PLCE1: variants seen among roughly 807,000 people sequenced by gnomAD.
PLCE1 encodes 1-phosphatidylinositol 4,5-bisphosphate phosphodiesterase epsilon-1.
PLCE1 carries 119 observed loss-of-function variants against 242.8 expected under a neutral mutation model. The observed-to-expected ratio is 0.49, with a 90% CI of 0.42 to 0.57. PLCE1 has a LOEUF of 0.57. PLCE1 is among the 20% of genes least tolerant of loss of function. PLCE1 has a pLI of 0.00. For synonymous variants in PLCE1, 945 were observed against 1,017.4 expected (o/e 0.93, Z 1.35); for missense variants, 2,441 against 2,788.8 (o/e 0.88, Z 2.81).
intron 4 of PLCE1, among the ~76,000 whole-genome samples, chr10:94,205,982 C>T (rs1270842207): frequency 6.6e-6 from 1 of 152,214 alleles, no homozygotes; most frequent in Non-Finnish European, 1.5e-5. Context: ...ACAAATAAAA[C>T]TCCCTACCCA....
At chr10:94,040,420 G>GGC (rs1196417934) in intron 2 of PLCE1, among the ~76,000 whole-genome samples, 1 of 151,434 alleles carries the variant, frequency 6.6e-6, no homozygotes, top group East Asian at 1.9e-4. Flanking sequence ...CTGGGAATGA[G>GGC]ATTGTCAGTC....
chr10:94,023,046 T>C (rs962610281), intron 1 of PLCE1, among the ~76,000 whole-genome samples: 1 of 152,118 alleles, frequency 6.6e-6, no homozygotes, highest in Non-Finnish European at 1.5e-5. Flanking sequence ...TACAAAATAA[T>C]GTGCCATGAC....
intron 2 of PLCE1, among the ~76,000 whole-genome samples, chr10:94,059,816 A>G (rs575343537): frequency 2.0e-5 from 3 of 152,290 alleles, no homozygotes; most frequent in Admixed American, 1.3e-4. Context: ...TTCTAGCCCC[A>G]TTCTATTTCT....
chr10:94,025,087 A>T (rs573993378), intron 1 of PLCE1, among the ~76,000 whole-genome samples: 47 of 151,804 alleles, frequency 3.1e-4, no homozygotes, highest in African/African-American at 1.1e-3. Context: ...CATGACATTC[A>T]TTCTCATGTT....
At chr10:94,246,671 C>T (rs1303937985) in intron 8 of PLCE1, 50 bp downstream of exon 8, 7 of 1,531,636 alleles carry the variant, frequency 4.6e-6, no homozygotes, top group Non-Finnish European at 5.4e-6. Context: ...TACTCAAGAG[C>T]ACACACTGGG....
At chr10:94,158,476 A>G (rs145841273) in intron 3 of PLCE1, among the ~76,000 whole-genome samples, 3 of 152,332 alleles carry the variant, frequency 2.0e-5, no homozygotes, top group African/African-American at 7.2e-5. Flanking sequence ...TTAATTTGCC[A>G]TAAAAAGAAC....
intron 4 of PLCE1, among the ~76,000 whole-genome samples, chr10:94,182,765 G>A (rs912542739): frequency 1.3e-5 from 2 of 152,052 alleles, no homozygotes; most frequent in African/African-American, 4.8e-5. Flanking sequence ...AGCTCACATT[G>A]TGTCTCTAGA....
intron 2 of PLCE1, among the ~76,000 whole-genome samples, chr10:94,107,313 G>A (rs74151042): frequency 0.019 from 2,896 of 152,178 alleles, 81 homozygotes; most frequent in African/African-American, 0.067. Flanking sequence ...AAGGCAAGAC[G>A]TTGCTGAACT....
Position 94,074,556 on chromosome 10 carries a change from G to A in PLCE1, c.1206+42304G>A, listed in dbSNP as rs575645246. On this transcript the variant is annotated intron_variant, in intron 2 of 32. Transcript: ENST00000371380. ...AATGTGAAATCCATTTTCTATTCAT[G>A]TCCTGAGTTTAGTAAATCTGGTGAT... Among the ~76,000 whole-genome samples the A allele has an allele frequency of 2.0e-5, 3 of 152,242 alleles. No homozygotes were observed. The East Asian group carries it at 5.8e-4, about 29-fold the overall frequency.
In PLCE1 at chr10:94,031,707, G is replaced by A. The variant is rs1477441868; in HGVS notation, c.661G>A (p.Gly221Arg). 8 of 1,613,826 alleles carry A rather than the reference G, an allele frequency of 5.0e-6. No individual in the cohort carries two copies. Among genetic ancestry groups the A allele is most frequent in the Admixed American group, 1.7e-5 (1 of 59,956 alleles). ...TTGTGGAAATTGTGTACCACTACCTGGGGGTGAGGAGAAGCAAAAGAAAAA... is the reference window on the plus strand; with the variant it reads ...TTGTGGAAATTGTGTACCACTACCTAGGGGTGAGGAGAAGCAAAAGAAAAA... ...DDCGNCVPLPGGEEKQKKNYV... is the reference protein window; with the variant it reads ...DDCGNCVPLPRGEEKQKKNYV... The change falls in exon 2 of 33, where the codon GGG (glycine) becomes AGG (arginine). Residue 221 changes from glycine to arginine, a missense_variant. Physicochemically the swap from Gly to Arg is moderately radical, Grantham distance 125 (BLOSUM62 -2). Transcript: ENST00000371380.
chr10:94,038,407 T>A (rs901037635), intron 2 of PLCE1, among the ~76,000 whole-genome samples: 1 of 152,174 alleles, frequency 6.6e-6, no homozygotes, highest in Non-Finnish European at 1.5e-5. Flanking sequence ...TTTATTCTAG[T>A]GGCTTGCTTA....
chr10:94,293,667 G>C (rs1356089263), intron 23 of PLCE1, 28 bp downstream of exon 23: 1 of 1,610,442 alleles, frequency 6.2e-7, no homozygotes, highest in East Asian at 2.2e-5. Context: ...CAATATCTTT[G>C]CTTGATTCTG....
intron 4 of PLCE1, among the ~76,000 whole-genome samples, chr10:94,220,581 C>T (rs1347132023): frequency 1.3e-5 from 2 of 151,486 alleles, no homozygotes; most frequent in Non-Finnish European, 2.9e-5. Flanking sequence ...TTGGTCCAGC[C>T]TGTTAGTTAG....
At chr10:94,310,334 TTCC>T (rs2053347787) in intron 27 of PLCE1, among the ~76,000 whole-genome samples, 1 of 152,168 alleles carries the variant, frequency 6.6e-6, no homozygotes, top group Admixed American at 6.5e-5. Context: ...TGCTTAGGTG[TTCC>T]TCCTTTTTCC....
At chr10:94,296,830 A>G (rs1408390445) in intron 23 of PLCE1, among the ~76,000 whole-genome samples, 3 of 151,874 alleles carry the variant, frequency 2.0e-5, no homozygotes, top group Non-Finnish European at 4.4e-5. Context: ...GGCCTTTGAC[A>G]TGCCTTCCTC....
At chr10:94,250,740 C>T (rs1048154176) in intron 8 of PLCE1, among the ~76,000 whole-genome samples, 3 of 151,954 alleles carry the variant, frequency 2.0e-5, no homozygotes, top group Non-Finnish European at 2.9e-5. Flanking sequence ...TTAATGGTGC[C>T]AATTATTTTA....
At chr10:94,319,626 T>TAAC (rs1589536498) in intron 29 of PLCE1, among the ~76,000 whole-genome samples, 1 of 152,140 alleles carries the variant, frequency 6.6e-6, no homozygotes, top group African/African-American at 2.4e-5. Flanking sequence ...ACAGACCACC[T>TAAC]AACTTCTGTA....
intron 2 of PLCE1, among the ~76,000 whole-genome samples, chr10:94,058,552 T>C (rs548576895): frequency 1.3e-5 from 2 of 152,338 alleles, no homozygotes; most frequent in South Asian, 4.1e-4. Flanking sequence ...GACCATGGAA[T>C]GAGCATGCTG....
chr10:94,273,715 C>A lies in PLCE1; in HGVS notation c.4660C>A (p.Gln1554Lys), dbSNP rs757589468. ...TCAGACGCCAGTGGATATCTTAAAG[C>A]AAAAGGTACTCCCCTCTGTTAAACC... ...AHQTPVDILKQKAHQLASMQV... is the reference protein window; with the variant it reads ...AHQTPVDILKKKAHQLASMQV... The change falls in exon 19 of 33, where the codon CAA (glutamine) becomes AAA (lysine). Residue 1554 changes from glutamine (Q) to lysine (K), a missense_variant. Physicochemically the swap from Gln to Lys is moderately conservative, Grantham distance 53. Transcript: ENST00000371380. 2 of 1,613,528 alleles carry A rather than the reference C, an allele frequency of 1.2e-6. No homozygotes were observed. The highest frequency in any genetic ancestry group is 1.1e-5 in the South Asian group (1 of 91,068).
Sources: gnomAD v4.1 joint callset for allele counts (sites outside exome capture counted in the v4.1 genomes callset) on GRCh38, gnomAD v4.1.1 for gene constraint, MANE v1.5 for transcripts, NCBI Gene and HGNC (gene_info 2026-07-23, HGNC 2026-07-21) for gene names.